Variants in GPHN observed in about 807,000 individuals in gnomAD.
GPHN encodes gephyrin.
In GPHN, 17 loss-of-function variants were observed where a neutral mutation model predicts 95.5. The observed-to-expected ratio is 0.18, with a 90% confidence interval of 0.12 to 0.27. The LOEUF (loss-of-function observed/expected upper bound fraction) is 0.27. GPHN is among the 10% of genes least tolerant of loss of function. The pLI is 1.00. For missense variants in GPHN, 660 were observed against 978.1 expected (o/e 0.67, Z 4.34); for synonymous variants, 320 against 322.5 (o/e 0.99, Z 0.08).
chr14:66,968,253 T>C (rs1161457489), intron 9 of GPHN, among the ~76,000 whole-genome samples: 2 of 151,948 alleles, frequency 1.3e-5, no homozygotes, highest in African/African-American at 4.8e-5. Flanking sequence ...TACCAAGGAA[T>C]AAAAGAGAAG....
At chr14:66,512,007 A>G (rs954898406) in intron 1 of GPHN, among the ~76,000 whole-genome samples, 22 of 151,928 alleles carry the variant, frequency 1.4e-4, no homozygotes, top group African/African-American at 5.3e-4. Flanking sequence ...TTGGTGACCT[A>G]AGGTCTAGTT....
At chr14:67,688,866 T>C in the GPHN span, among the ~76,000 whole-genome samples, 1 of 152,210 alleles carries the variant, frequency 6.6e-6, no homozygotes, top group Admixed American at 6.5e-5. Flanking sequence ...GAAGAGACTA[T>C]ACCTATCTTG....
At chr14:67,018,401 T>G (rs947548508) in intron 9 of GPHN, among the ~76,000 whole-genome samples, 1 of 152,116 alleles carries the variant, frequency 6.6e-6, no homozygotes, top group Non-Finnish European at 1.5e-5. Flanking sequence ...AGCTGGATCT[T>G]AAAGGACAAG....
chr14:66,835,921 C>G (rs1482830247), intron 4 of GPHN, among the ~76,000 whole-genome samples: 1 of 148,286 alleles, frequency 6.7e-6, no homozygotes, highest in Non-Finnish European at 1.5e-5. Flanking sequence ...AACTACAAAC[C>G]ACTGCTCAAG....
At chr14:66,567,202 A>G (rs1275100195) in intron 1 of GPHN, among the ~76,000 whole-genome samples, 1 of 152,168 alleles carries the variant, frequency 6.6e-6, no homozygotes, top group Non-Finnish European at 1.5e-5. Flanking sequence ...TTGAGCATAT[A>G]GAGTTGGAGA....
intron 4 of GPHN, among the ~76,000 whole-genome samples, chr14:66,830,389 A>G (rs915152581): frequency 3.2e-4 from 48 of 152,142 alleles, no homozygotes; most frequent in African/African-American, 1.1e-3. Flanking sequence ...TAAATAATAT[A>G]TAGAATTCTG....
chr14:67,101,027 T>G, intron 13 of GPHN, 116 bp downstream of exon 13: 2 of 721,434 alleles, frequency 2.8e-6, no homozygotes, highest in South Asian at 2.9e-5. Context: ...AGTCAGAAGA[T>G]TATCAAAGGG....
chr14:67,173,950 G>T (rs1291225976), intron 21 of GPHN, among the ~76,000 whole-genome samples: 5 of 152,022 alleles, frequency 3.3e-5, no homozygotes, highest in Non-Finnish European at 7.4e-5. Flanking sequence ...ACTTTGTCAG[G>T]CCGAAGACTT....
At chr14:67,360,846 T>C in the GPHN span, 1 of 152,188 alleles carries the variant, frequency 6.6e-6, no homozygotes, top group African/African-American at 2.4e-5. Flanking sequence ...GAGAATTCCA[T>C]CTTTTCTTCC....
chr14:67,580,710 C>T, the GPHN span, among the ~76,000 whole-genome samples: 2 of 152,302 alleles, frequency 1.3e-5, no homozygotes, highest in Non-Finnish European at 2.9e-5. Flanking sequence ...ACCAGCAGGG[C>T]AGATTTCTTG....
At chr14:67,572,065 C>T in the GPHN span, 2 of 1,534,996 alleles carry the variant, frequency 1.3e-6, no homozygotes, top group Middle Eastern at 1.7e-4. Context: ...GGTCAAGTCT[C>T]AGCAGCTCCT....
intron 2 of GPHN, among the ~76,000 whole-genome samples, chr14:66,720,045 G>T (rs1298063865): frequency 2.6e-5 from 4 of 151,972 alleles, no homozygotes; most frequent in Non-Finnish European, 5.9e-5. Context: ...TTATTTCCAA[G>T]ATTTTGATAT....
chr14:67,733,812 T>C, the GPHN span: 1 of 1,613,340 alleles, frequency 6.2e-7, no homozygotes, highest in South Asian at 1.1e-5. Context: ...GCCTATGGAA[T>C]GTCAGCTGTG....
At chr14:66,634,350 T>C (rs1267847371) in intron 1 of GPHN, among the ~76,000 whole-genome samples, 2 of 152,190 alleles carry the variant, frequency 1.3e-5, no homozygotes, top group African/African-American at 4.8e-5. Flanking sequence ...GTGTAGTTTT[T>C]GTATGATACT....
the GPHN span, chr14:67,338,356 CAG>C: frequency 2.9e-6 from 1 of 342,288 alleles, no homozygotes; most frequent in Non-Finnish European, 5.3e-6. Flanking sequence ...ACGTGTAACA[CAG>C]ATGTAAATGG....
rs774804100 is a variant in GPHN at position 66,776,444 on chromosome 14, T to C, written c.144-20T>C. 1 of 1,427,586 alleles carries C rather than the reference T, an allele frequency of 7.0e-7. No individual in the cohort carries two copies. Among genetic ancestry groups the C allele is most frequent in the African/African-American group, 1.4e-5 (1 of 71,106 alleles). The allele number at this position is 1,427,586 out of a possible 1,614,324, so 88.4% of individuals were successfully genotyped here. A position where few individuals can be genotyped will look rare whatever the true frequency, so the allele number is the denominator to read the frequency against. ...AACACTATTGCTGGTTTTGAGAATA[T>C]TTTCTTCTCCTAATTTCAGGTTGGG... On this transcript the variant is annotated intron_variant, in intron 2 of 22. Transcript: ENST00000478722.
intron 17 of GPHN, among the ~76,000 whole-genome samples, chr14:67,127,265 AAT>A (rs2079384932): frequency 6.6e-6 from 1 of 152,072 alleles, no homozygotes; most frequent in South Asian, 2.1e-4. Context: ...AAAAAAAAAA[AAT>A]GGCTTTGCAA....
At chr14:67,382,735 C>T in the GPHN span, 3 of 849,358 alleles carry the variant, frequency 3.5e-6, no homozygotes, top group African/African-American at 1.7e-5. Context: ...TTAGGGTCAC[C>T]CCCCGTCCCC....
At chr14:67,650,403 TC>T in the GPHN span, 1 of 333,968 alleles carries the variant, frequency 3.0e-6, no homozygotes, top group Admixed American at 4.5e-5. Flanking sequence ...GATGAAAACC[TC>T]CCCCACCCAA....
Sources: gnomAD v4.1 joint callset for allele counts (sites outside exome capture counted in the v4.1 genomes callset) on GRCh38, gnomAD v4.1.1 for gene constraint, MANE v1.5 for transcripts, NCBI Gene and HGNC (gene_info 2026-07-23, HGNC 2026-07-21) for gene names.